SLC45A1: variants seen among roughly 807,000 people sequenced by gnomAD.
SLC45A1 encodes solute carrier family 45 member 1, also known as proton-associated sugar transporter A.
Under a neutral mutation model 57.6 loss-of-function variants are expected in SLC45A1, and 28 were observed. The ratio of observed to expected loss-of-function variants is 0.49; its 90% CI spans 0.36 to 0.67. The LOEUF is 0.67. Ranked by LOEUF, SLC45A1 falls within the 30% of genes least tolerant of loss-of-function variation. SLC45A1 has a pLI of 0.00. For synonymous variants in SLC45A1, 459 were observed against 471.5 expected, an observed-to-expected ratio of 0.97 and a Z score of 0.34; for missense variants, 814 against 1,041.5, an observed-to-expected ratio of 0.78 and a Z score of 3.01.
chr1:8,333,383 T>C (rs1640480325), intron 5 of SLC45A1, among the ~76,000 whole-genome samples: 1 of 150,228 alleles, frequency 6.7e-6, no homozygotes, highest in Non-Finnish European at 1.5e-5. Flanking sequence ...GTGATCCCCC[T>C]GCCTTGGCCT....
Position 8,337,999 on chromosome 1 carries a change from G to A in SLC45A1, c.1774+7G>A, listed in dbSNP as rs752554974. ...AGTGCTGCCTTCTACTCAGGTACCC[G>A]CTGCCAGCCAGGCTGGCACGGCAGT... On this transcript the variant is annotated splice_region_variant and intron_variant, in intron 7 of 8. Transcript: ENST00000471889. The A allele has an allele frequency of 2.5e-5, 41 of 1,611,146 alleles. No homozygotes were observed. The highest frequency in any genetic ancestry group is 2.9e-5 in the Non-Finnish European group (34 of 1,178,906).
At chr1:8,323,129 A>T (rs1252668328) in intron 1 of SLC45A1, among the ~76,000 whole-genome samples, 1 of 152,132 alleles carries the variant, frequency 6.6e-6, no homozygotes, top group East Asian at 1.9e-4. Flanking sequence ...GAGTGGAAGG[A>T]TGTCTATCTG....
At chr1:8,338,848 CTTTA>C (rs1049402452) in intron 7 of SLC45A1, among the ~76,000 whole-genome samples, 6 of 152,124 alleles carry the variant, frequency 3.9e-5, no homozygotes, top group African/African-American at 1.2e-4. Context: ...CTGCCAACTG[CTTTA>C]TTTTAGTTGC....
At chr1:8,334,341 C>T (rs745958097) in intron 5 of SLC45A1, among the ~76,000 whole-genome samples, 11 of 152,352 alleles carry the variant, frequency 7.2e-5, no homozygotes, top group East Asian at 3.9e-4. Context: ...GCCGGCACTG[C>T]GGCCTCTCAG....
At position 8,335,694 on chromosome 1, in the gene SLC45A1, T is replaced by A; in HGVS notation, c.1597+104T>A. 1 of 1,294,144 alleles carries A rather than the reference T, an allele frequency of 7.7e-7. No individual in the cohort carries two copies. Among genetic ancestry groups the A allele is most frequent in the Non-Finnish European group, 1.0e-6 (1 of 963,260 alleles). 80.2% of individuals were successfully genotyped at this position (1,294,144 alleles called of 1,614,324 possible). The stretch of plus-strand genomic sequence containing the variant: ...TGAGCCTCCCTTCCCAGAACCTTTC[T>A]GAGTTCACCAGCCCCCAACAACAGC... On this transcript the variant is annotated intron_variant, in intron 6 of 8. Transcript: ENST00000471889. The surrounding 1 kb of genome is among the most constrained non-coding windows in gnomAD (Gnocchi z 4.1).
Position 8,335,610 on chromosome 1 carries a change from TC to T in SLC45A1, c.1597+24del. ...TCCTGGGTGAGCTCCCGGCCAAGCC[TC>T]CCCGTGAGTCCTGGTCCTGCTCAGG... On this transcript the variant is annotated intron_variant, in intron 6 of 8. Transcript: ENST00000471889. The surrounding 1 kb of genome is among the most constrained non-coding windows in gnomAD (Gnocchi z 4.1). The T allele has an allele frequency of 1.9e-6, 3 of 1,583,606 alleles. No individual in the cohort carries two copies. The highest frequency in any genetic ancestry group is 2.7e-5 in the African/African-American group (2 of 74,430).
At chr1:8,341,527 T>C (rs187432958) in intron 8 of SLC45A1, among the ~76,000 whole-genome samples, 48 of 133,032 alleles carry the variant, frequency 3.6e-4, no homozygotes, top group African/African-American at 1.4e-3. Context: ...AGAGCGAGAC[T>C]CCGTCTCAAA....
At chr1:8,320,692 T>TCC (rs1254589597) in intron 1 of SLC45A1, among the ~76,000 whole-genome samples, 1 of 101,224 alleles carries the variant, frequency 9.9e-6, no homozygotes, top group African/African-American at 3.2e-5. Context: ...TCTCTCTCTC[T>TCC]ACACACACAC....
intron 6 of SLC45A1, among the ~76,000 whole-genome samples, chr1:8,337,582 C>G (rs2124320125): frequency 6.6e-6 from 1 of 152,246 alleles, no homozygotes; most frequent in Non-Finnish European, 1.5e-5. Context: ...CCATGCCTGG[C>G]TAATTTTTTG....
In SLC45A1 at chr1:8,328,925, G is replaced by C. The variant is rs908845337; in HGVS notation, c.716-1284G>C. ...CGAACAGCAATGGTGTCTTTCAGGA[G>C]GGGAGGAGGGAAGGCAATTAGAATC... On this transcript the variant is annotated intron_variant, in intron 4 of 8. Coordinates refer to ENST00000471889, the MANE Select transcript of SLC45A1 (RefSeq NM_001080397.3). The surrounding 1 kb of genome is among the most constrained non-coding windows in gnomAD (Gnocchi z 4.6). Among the ~76,000 whole-genome samples the C allele has an allele frequency of 1.1e-4, 16 of 152,220 alleles. No individual in the cohort carries two copies. The highest frequency in any genetic ancestry group is 2.9e-4 in the African/African-American group (12 of 41,458).
chr1:8,332,731 G>A (rs563149237), intron 5 of SLC45A1, among the ~76,000 whole-genome samples: 11 of 152,120 alleles, frequency 7.2e-5, no homozygotes, highest in Admixed American at 2.0e-4. Context: ...GGCTGGTCTC[G>A]AACTCCTGGC....
chr1:8,332,043 C>T (rs930497573), intron 5 of SLC45A1, among the ~76,000 whole-genome samples: 1 of 152,232 alleles, frequency 6.6e-6, no homozygotes, highest in Non-Finnish European at 1.5e-5. Context: ...CCGCCTGCCT[C>T]TGCCTCCCAA....
At position 8,328,445 on chromosome 1, in the gene SLC45A1, C is replaced by T. The variant is rs953795815; in HGVS notation, c.716-1764C>T. Among the ~76,000 whole-genome samples the T allele has an allele frequency of 1.1e-4, 17 of 152,318 alleles. No homozygotes were observed. The highest frequency in any genetic ancestry group is 3.8e-4 in the African/African-American group (16 of 41,570). The stretch of plus-strand genomic sequence containing the variant: ...GAACTTCTAAAGGGGCCATGCCGGG[C>T]GAGTGCTGGGCTTGGCAGAGAGGAA... On this transcript the variant is annotated intron_variant, in intron 4 of 8. Coordinates refer to ENST00000471889, the MANE Select transcript of SLC45A1 (RefSeq NM_001080397.3). This position sits in a 1 kb window ranked among gnomAD's most constrained non-coding sequence, Gnocchi z 4.6.
At chr1:8,320,691 C>CCACA (rs1294227921) in intron 1 of SLC45A1, among the ~76,000 whole-genome samples, 4 of 17,578 alleles carry the variant, frequency 2.3e-4, no homozygotes, top group African/African-American at 5.6e-4. Flanking sequence ...CTCTCTCTCT[C>CCACA]TACACACACA....
Position 8,328,174 on chromosome 1 carries a change from T to C in SLC45A1, c.716-2035T>C, listed in dbSNP as rs1640259452. 3 of 152,198 alleles carry C rather than the reference T, an allele frequency of 2.0e-5. No individual in the cohort carries two copies. The South Asian group carries it at 6.2e-4, about 32-fold the overall frequency. 9.4% of individuals were successfully genotyped at this position (152,198 alleles called of 1,614,324 possible). A position where few individuals can be genotyped will look rare whatever the true frequency, so the allele number is the denominator to read the frequency against. ...AACCCTCACTGCTGCACTTGACTAG[T>C]CTTGAAAAAGAAACAGATATTGGAA... On this transcript the variant is annotated intron_variant, in intron 4 of 8. Transcript: ENST00000471889. This position sits in a 1 kb window ranked among gnomAD's most constrained non-coding sequence, Gnocchi z 4.6.
In SLC45A1 at chr1:8,325,977, A is replaced by G. The variant is rs1640189771; in HGVS notation, c.650A>G (p.Tyr217Cys). 3 of 1,612,112 alleles carry G rather than the reference A, an allele frequency of 1.9e-6. No individual in the cohort carries two copies. Among genetic ancestry groups the G allele is most frequent in the African/African-American group, 1.3e-5 (1 of 74,946 alleles). ...TCGGCGGACAACCCCAGCCACGCCTACATGATGGACGTGTGCAGCCCCGCA... is the reference window on the plus strand; with the variant it reads ...TCGGCGGACAACCCCAGCCACGCCTGCATGATGGACGTGTGCAGCCCCGCA... Reference protein sequence around the residue: ...ADSADNPSHAYMMDVCSPADQ... With the variant: ...ADSADNPSHACMMDVCSPADQ... The change falls in exon 4 of 9, where the codon TAC (tyrosine) becomes TGC (cysteine). Residue 217 changes from tyrosine (Y) to cysteine (C), a missense_variant. Transcript: ENST00000471889. This position sits in a 1 kb window ranked among gnomAD's most constrained non-coding sequence, Gnocchi z 6.3.
intron 1 of SLC45A1, among the ~76,000 whole-genome samples, chr1:8,322,608 T>C (rs1640068018): frequency 6.6e-6 from 1 of 152,126 alleles, no homozygotes; most frequent in South Asian, 2.1e-4. Context: ...GATTCATAAA[T>C]AATTTATTGT....
chr1:8,332,399 C>A (rs1640442518), intron 5 of SLC45A1, among the ~76,000 whole-genome samples: 1 of 152,278 alleles, frequency 6.6e-6, no homozygotes, highest in East Asian at 1.9e-4. Context: ...TCCACGAAGG[C>A]CAAGAACCTT....
At chr1:8,339,824 A>T (rs2124325242) in intron 8 of SLC45A1, 126 bp downstream of exon 8, 1 of 908,848 alleles carries the variant, frequency 1.1e-6, no homozygotes, top group East Asian at 2.4e-5. Flanking sequence ...GCGACCACAG[A>T]GCATGAAACC....
Sources: allele counts gnomAD v4.1 joint callset (sites outside exome capture counted in the v4.1 genomes callset), GRCh38; gene constraint gnomAD v4.1.1; non-coding constraint Gnocchi (gnomAD v3.1); transcripts MANE v1.5; gene names NCBI Gene and HGNC (gene_info 2026-07-23, HGNC 2026-07-21).